MIPOL1: variants seen among roughly 807,000 people sequenced by gnomAD.
The protein encoded by MIPOL1 is mirror-image polydactyly 1.
Under a neutral mutation model 60.9 loss-of-function variants are expected in MIPOL1, and 57 were observed. That is an observed-to-expected ratio of 0.94 (90% CI 0.76 to 1.17). The LOEUF (loss-of-function observed/expected upper bound fraction) is 1.17, where lower values mean the gene tolerates loss of function less well. MIPOL1 is among the 50% of genes most tolerant of loss of function. The pLI is 0.00. For missense variants in MIPOL1, 551 were observed against 511.6 expected (o/e 1.08, Z -0.74); for synonymous variants, 179 against 168.8 (o/e 1.06, Z -0.47).
chr14:37,355,339 A>G (rs1464865379), intron 9 of MIPOL1, among the ~76,000 whole-genome samples: 1 of 123,366 alleles, frequency 8.1e-6, no homozygotes, highest in Non-Finnish European at 1.7e-5. Context: ...TGCCCTTAAC[A>G]TTTTTTCCTT....
intron 7 of MIPOL1, among the ~76,000 whole-genome samples, chr14:37,295,570 A>C (rs1375083328): frequency 6.6e-6 from 1 of 152,188 alleles, no homozygotes; most frequent in Non-Finnish European, 1.5e-5. Flanking sequence ...TCTCACATGC[A>C]GAGACACACA....
intron 3 of MIPOL1, among the ~76,000 whole-genome samples, chr14:37,249,619 A>G (rs562315546): frequency 1.1e-4 from 16 of 152,260 alleles, no homozygotes; most frequent in South Asian, 8.3e-4. Context: ...AGATAGTTCA[A>G]GGTTTTTTGT....
chr14:37,371,166 C>A (rs2092627535), intron 10 of MIPOL1, among the ~76,000 whole-genome samples: 1 of 150,598 alleles, frequency 6.6e-6, no homozygotes, highest in African/African-American at 2.4e-5. Context: ...ATTGCCCAGA[C>A]TGGAGTGCAG....
intron 11 of MIPOL1, among the ~76,000 whole-genome samples, chr14:37,446,697 G>A (rs1278793491): frequency 6.6e-6 from 1 of 152,122 alleles, no homozygotes; most frequent in Non-Finnish European, 1.5e-5. Flanking sequence ...ATGATAGACT[G>A]GATTAAGAAA....
At chr14:37,373,689 G>A (rs1249253753) in intron 10 of MIPOL1, among the ~76,000 whole-genome samples, 1 of 151,974 alleles carries the variant, frequency 6.6e-6, no homozygotes, top group Non-Finnish European at 1.5e-5. Flanking sequence ...TTCCAACTTC[G>A]TCCATGTCCT....
At chr14:37,376,677 A>G (rs2092785110) in intron 10 of MIPOL1, among the ~76,000 whole-genome samples, 1 of 152,140 alleles carries the variant, frequency 6.6e-6, no homozygotes, top group Non-Finnish European at 1.5e-5. Flanking sequence ...TTATTCAGTC[A>G]TCTACTGAAA....
chr14:37,315,310 G>C (rs1282211043), intron 9 of MIPOL1, among the ~76,000 whole-genome samples: 3 of 152,186 alleles, frequency 2.0e-5, no homozygotes, highest in Non-Finnish European at 4.4e-5. Context: ...CCTTACATTT[G>C]ATTGAAGTAC....
rs781380355 is a variant in MIPOL1 at position 37,431,743 on chromosome 14, TA to T, written c.1031+8796del. Among the ~76,000 whole-genome samples the T allele has an allele frequency of 9.9e-3, 1,494 of 150,154 alleles. 25 individuals carry two copies. Among genetic ancestry groups the T allele is most frequent in the African/African-American group, 0.033 (1,353 of 40,564 alleles). ...ACAGGCACCCGCCACCATGCCTGGCTAATTTTTTTTTTTTTGTACTTTTAGT... is the reference window on the plus strand; with the variant it reads ...ACAGGCACCCGCCACCATGCCTGGCTATTTTTTTTTTTTTGTACTTTTAGT... On this transcript the variant is annotated intron_variant, in intron 11 of 12. Coordinates refer to ENST00000684589, the MANE Select transcript of MIPOL1 (RefSeq NM_001388067.1).
intron 10 of MIPOL1, among the ~76,000 whole-genome samples, chr14:37,402,084 C>T (rs1033756593): frequency 2.0e-5 from 3 of 151,916 alleles, no homozygotes; most frequent in African/African-American, 7.3e-5. Flanking sequence ...TGATTATTTC[C>T]GTTAAGAGAA....
rs551599400 is a variant in MIPOL1, at chr14:37,513,212, G to A, written c.1262+13074G>A. 1.4e-4 allele frequency among the ~76,000 whole-genome samples: 22 copies of A among 152,074 alleles called. No homozygotes were observed. In the South Asian group the frequency reaches 3.9e-3, roughly 27 times the overall value. ...TGAATCATAAAAGTTAAAATTATCTGATTACATATTTAACTTGTGAAATAT... is the reference window on the plus strand; with the variant it reads ...TGAATCATAAAAGTTAAAATTATCTAATTACATATTTAACTTGTGAAATAT... On this transcript the variant is annotated intron_variant, in intron 12 of 12. Coordinates refer to ENST00000684589, the MANE Select transcript of MIPOL1 (RefSeq NM_001388067.1).
At chr14:37,458,903 G>A (rs1174172089) in intron 11 of MIPOL1, among the ~76,000 whole-genome samples, 1 of 151,672 alleles carries the variant, frequency 6.6e-6, no homozygotes, top group Admixed American at 6.6e-5. Context: ...TAAACAGTTT[G>A]TTTCTGAATG....
At position 37,288,338 on chromosome 14, in the gene MIPOL1, A is replaced by T. The variant is rs570925917; in HGVS notation, c.623+2891A>T. 3.3e-5 allele frequency among the ~76,000 whole-genome samples: 5 copies of T among 152,134 alleles called. No homozygotes were observed. In the East Asian group the frequency reaches 9.7e-4, roughly 29 times the overall value. The stretch of plus-strand genomic sequence containing the variant: ...GAATTTTTAAATGCAAAAAAGAGAG[A>T]TAGGGAGTGGGCTGATACAAAGTTT... On this transcript the variant is annotated intron_variant, in intron 7 of 12. Coordinates refer to ENST00000684589, the MANE Select transcript of MIPOL1 (RefSeq NM_001388067.1).
chr14:37,272,548 A>G (rs1372401775), intron 6 of MIPOL1, among the ~76,000 whole-genome samples: 1 of 151,588 alleles, frequency 6.6e-6, no homozygotes, highest in Non-Finnish European at 1.5e-5. Context: ...CTTATTTTCT[A>G]TCTGATGAAT....
chr14:37,266,786 T>C, intron 3 of MIPOL1, 152 bp from the exon 4 acceptor site: 1 of 637,098 alleles, frequency 1.6e-6, no homozygotes. Flanking sequence ...CTACAACTTA[T>C]CCCAATGCTT....
chr14:37,356,215 T>G (rs868410914), intron 9 of MIPOL1, among the ~76,000 whole-genome samples: 3 of 151,934 alleles, frequency 2.0e-5, no homozygotes, highest in African/African-American at 4.8e-5. Flanking sequence ...CAGTTAGGCT[T>G]CTCGGGGGTC....
intron 10 of MIPOL1, among the ~76,000 whole-genome samples, chr14:37,386,076 C>T (rs2093058726): frequency 6.6e-6 from 1 of 151,910 alleles, no homozygotes; most frequent in Non-Finnish European, 1.5e-5. Flanking sequence ...GAGTTTCAGC[C>T]TACCTGTCAT....
rs745382005 is a variant in MIPOL1, at chr14:37,549,569, A to G, written c.*2598A>G. ...TCTTATAACCACACTCCATGCAACTATGAGTCTCTAAATCTCTCTGTAAGA... is the reference window on the plus strand; with the variant it reads ...TCTTATAACCACACTCCATGCAACTGTGAGTCTCTAAATCTCTCTGTAAGA... On this transcript the variant is annotated 3_prime_UTR_variant, in exon 13 of 13. Coordinates refer to ENST00000684589, the MANE Select transcript of MIPOL1 (RefSeq NM_001388067.1). The G allele has an allele frequency of 2.0e-5, 3 of 151,834 alleles. No individual in the cohort carries two copies. Among genetic ancestry groups the G allele is most frequent in the Non-Finnish European group, 4.4e-5 (3 of 67,770 alleles). 9.4% of individuals were successfully genotyped at this position (151,834 alleles called of 1,614,324 possible). A position where few individuals can be genotyped will look rare whatever the true frequency, so the allele number is the denominator to read the frequency against.
chr14:37,248,744 T>A (rs1973599750), intron 3 of MIPOL1, among the ~76,000 whole-genome samples: 1 of 151,472 alleles, frequency 6.6e-6, no homozygotes, highest in African/African-American at 2.4e-5. Context: ...GTAGAGAGAA[T>A]GAGAGACAGA....
chr14:37,297,197 A>T (rs1269327480), intron 7 of MIPOL1, among the ~76,000 whole-genome samples: 4 of 152,240 alleles, frequency 2.6e-5, no homozygotes, highest in Admixed American at 2.6e-4. Context: ...AGAACCAAAG[A>T]TAAAAACCAC....
Sources: allele counts gnomAD v4.1 joint callset (sites outside exome capture counted in the v4.1 genomes callset), GRCh38; gene constraint gnomAD v4.1.1; transcripts MANE v1.5; gene names NCBI Gene and HGNC (gene_info 2026-07-23, HGNC 2026-07-21).